The following MED27 variants were observed in gnomAD, a reference collection of about 807,000 sequenced individuals.
MED27 encodes the protein mediator of RNA polymerase II transcription subunit 27.
MED27 carries 30 observed loss-of-function variants against 38.2 expected under a neutral mutation model. The observed-to-expected ratio is 0.79, with a 90% CI of 0.59 to 1.07. MED27 has a LOEUF of 1.07. Ranked by LOEUF, MED27 falls within the 50% of genes least tolerant of loss-of-function variation. The probability of loss-of-function intolerance (pLI) is 0.00; values close to 1 mark genes in which losing one functional copy is unlikely to be tolerated. For missense variants in MED27, 289 were observed against 397.5 expected (o/e 0.73, Z 2.32); for synonymous variants, 122 against 153.5 (o/e 0.79, Z 1.52).
chr9:131,950,071 A>T (rs1340044948), intron 3 of MED27, among the ~76,000 whole-genome samples: 1 of 152,166 alleles, frequency 6.6e-6, no homozygotes, highest in African/African-American at 2.4e-5. Context: ...TTTAAGCAAC[A>T]TACTAAGTTT....
rs956926291 is a variant in MED27 at position 131,860,489 on chromosome 9, T to C, written c.*49A>G. ...CTGAGCCTTCTGTGGGCTTCCTGCG[T>C]GTCTGGGAAGGTGCTGGGTGGGGTC... is the stretch of plus-strand genomic sequence containing the variant. On this transcript the variant is annotated 3_prime_UTR_variant, in exon 8 of 8. Coordinates refer to ENST00000292035, the MANE Select transcript of MED27 (RefSeq NM_004269.4). The surrounding 1 kb of genome is among the most constrained non-coding windows in gnomAD (Gnocchi z 5.8). 11 of 1,467,808 alleles carry C rather than the reference T, an allele frequency of 7.5e-6. No individual in the cohort carries two copies. Among genetic ancestry groups the C allele is most frequent in the Non-Finnish European group, 9.9e-6 (11 of 1,110,646 alleles). The allele number at this position is 1,467,808 out of a possible 1,614,324, so 90.9% of individuals were successfully genotyped here.
At chr9:131,979,831 A>ATGGT (rs1831691805) in intron 3 of MED27, among the ~76,000 whole-genome samples, 1 of 150,404 alleles carries the variant, frequency 6.6e-6, no homozygotes, top group African/African-American at 2.4e-5. Context: ...TGAAAACAAG[A>ATGGT]TGGCTGGCTG....
rs140984324 is a variant in MED27 at position 131,861,779 on chromosome 9, T to G, written c.802-1107A>C. 0.012 allele frequency among the ~76,000 whole-genome samples: 321 copies of G among 27,660 alleles called. 4 individuals carry two copies. The highest frequency in any genetic ancestry group is 0.036 in the Middle Eastern group (1 of 28). 18.1% of individuals were successfully genotyped at this position (27,660 alleles called of 152,430 possible). A position where few individuals can be genotyped will look rare whatever the true frequency, so the allele number is the denominator to read the frequency against. ...GATGTAAATGGTTCTTTTTTTTTTT[T>G]TTTTTTTTTATGAGACCACATCTCG... On this transcript the variant is annotated intron_variant, in intron 7 of 7. Transcript: ENST00000292035. This position sits in a 1 kb window ranked among gnomAD's most constrained non-coding sequence, Gnocchi z 4.4.
intron 2 of MED27, among the ~76,000 whole-genome samples, chr9:132,058,605 G>A (rs1044981370): frequency 5.9e-5 from 9 of 152,112 alleles, no homozygotes; most frequent in African/African-American, 1.9e-4. Context: ...CCAGCCATGC[G>A]GAACTGTGAG....
chr9:131,871,217 C>T (rs1265504021), intron 6 of MED27, among the ~76,000 whole-genome samples: 4 of 152,168 alleles, frequency 2.6e-5, no homozygotes, highest in South Asian at 2.1e-4. Flanking sequence ...AGCACCCACA[C>T]GCTTTTTCCT....
intron 2 of MED27, among the ~76,000 whole-genome samples, chr9:132,065,475 C>T (rs1322202633): frequency 6.6e-6 from 1 of 152,218 alleles, no homozygotes; most frequent in Admixed American, 6.5e-5. Flanking sequence ...CCTGTCTTGA[C>T]ACAGTCATTC....
chr9:132,063,874 T>C (rs1354588325), intron 2 of MED27, among the ~76,000 whole-genome samples: 1 of 152,146 alleles, frequency 6.6e-6, no homozygotes, highest in Non-Finnish European at 1.5e-5. Context: ...AAAAGGAGTA[T>C]CTTCAAACCC....
At chr9:131,959,284 A>T (rs1831165193) in intron 3 of MED27, among the ~76,000 whole-genome samples, 1 of 17,584 alleles carries the variant, frequency 5.7e-5, no homozygotes, top group Non-Finnish European at 1.0e-4. Flanking sequence ...GCATGGAAGG[A>T]GCCTGGCACA....
chr9:132,036,719 T>C (rs1833088070), intron 2 of MED27, among the ~76,000 whole-genome samples: 1 of 152,200 alleles, frequency 6.6e-6, no homozygotes, highest in Non-Finnish European at 1.5e-5. Context: ...AACACATTTA[T>C]TACAGAAACA....
chr9:131,911,161 A>C (rs72761691), intron 4 of MED27, among the ~76,000 whole-genome samples: 21,607 of 152,200 alleles, frequency 0.14, 1,604 homozygotes, highest in Middle Eastern at 0.2. Flanking sequence ...ACACAAATTA[A>C]GTGCTCTAAA....
intron 6 of MED27, among the ~76,000 whole-genome samples, chr9:131,874,061 G>A (rs1838881886): frequency 6.6e-6 from 1 of 152,164 alleles, no homozygotes; most frequent in South Asian, 2.1e-4. Context: ...TGGAGCAAAG[G>A]AGGCCTTGCG....
intron 2 of MED27, among the ~76,000 whole-genome samples, chr9:132,064,265 C>T (rs1384791204): frequency 6.6e-6 from 1 of 152,086 alleles, no homozygotes; most frequent in Non-Finnish European, 1.5e-5. Context: ...CCAGCATACC[C>T]GGAGGAGGTG....
At chr9:132,062,616 A>ATT (rs10712445) in intron 2 of MED27, among the ~76,000 whole-genome samples, 3 of 145,284 alleles carry the variant, frequency 2.1e-5, no homozygotes, top group Admixed American at 1.4e-4. Context: ...TCATCAATAC[A>ATT]TTTTTTTTTT....
At chr9:132,036,401 T>G (rs1303454440) in intron 2 of MED27, among the ~76,000 whole-genome samples, 1 of 152,140 alleles carries the variant, frequency 6.6e-6, no homozygotes, top group African/African-American at 2.4e-5. Context: ...AGAGGTCTAC[T>G]ATGTTGCACA....
At chr9:131,948,632 A>G (rs1830930317) in intron 3 of MED27, among the ~76,000 whole-genome samples, 1 of 152,154 alleles carries the variant, frequency 6.6e-6, no homozygotes, top group South Asian at 2.1e-4. Flanking sequence ...TTTCCACACC[A>G]TCTCTCACTA....
intron 4 of MED27, among the ~76,000 whole-genome samples, chr9:131,902,384 G>A (rs989311089): frequency 6.6e-6 from 1 of 152,042 alleles, no homozygotes; most frequent in African/African-American, 2.4e-5. Flanking sequence ...TGTAAAATTG[G>A]ATACAACCAA....
intron 3 of MED27, among the ~76,000 whole-genome samples, chr9:132,009,144 A>C (rs1382539190): frequency 6.6e-6 from 1 of 152,166 alleles, no homozygotes; most frequent in Non-Finnish European, 1.5e-5. Flanking sequence ...CCCAAAAACC[A>C]AGATTATATC....
chr9:132,014,519 T>C (rs778394178), intron 2 of MED27, 52 bp from the exon 3 acceptor site: 1 of 1,582,214 alleles, frequency 6.3e-7, no homozygotes, highest in Non-Finnish European at 8.6e-7. Context: ...TTGGTAAAAG[T>C]AGGACAAATG....
rs1830231394 is a variant in MED27 at position 131,913,708 on chromosome 9, C to G, written c.574-19716G>C. 6.6e-6 allele frequency among the ~76,000 whole-genome samples: 1 copy of G among 152,164 alleles called. No homozygotes were observed. The highest frequency in any genetic ancestry group is 1.5e-5 in the Non-Finnish European group (1 of 68,022). On this transcript the variant is annotated intron_variant, in intron 4 of 7. Transcript: ENST00000292035. This position sits in a 1 kb window ranked among gnomAD's most constrained non-coding sequence, Gnocchi z 4.5. ...CATGGCTAGGTGGCAGTAGGTTTCT[C>G]CAGGTGTGGACCCCAGCCCAACTCC...
Sources: gnomAD v4.1 joint callset for allele counts (sites outside exome capture counted in the v4.1 genomes callset) on GRCh38, gnomAD v4.1.1 for gene constraint, Gnocchi (gnomAD v3.1) non-coding constraint, MANE v1.5 for transcripts, NCBI Gene and HGNC (gene_info 2026-07-23, HGNC 2026-07-21) for gene names.